The following FGF14 variants were observed in gnomAD, a reference collection of about 807,000 sequenced individuals.
FGF14 encodes fibroblast growth factor homologous factor 4.
FGF14 carries 5 observed loss-of-function variants against 25.5 expected under a neutral mutation model. The ratio of observed to expected loss-of-function variants is 0.20; its 90% CI spans 0.10 to 0.41. FGF14 has a LOEUF of 0.41. Ranked by LOEUF, FGF14 falls within the 10% of genes least tolerant of loss-of-function variation. FGF14 has a pLI of 1.00. For synonymous variants in FGF14, 138 were observed against 118.3 expected (o/e 1.17, Z -1.08); for missense variants, 222 against 320.1 (o/e 0.69, Z 2.34).
chr13:102,234,784 C>A (rs560064996), intron 1 of FGF14, among the ~76,000 whole-genome samples: 2 of 152,112 alleles, frequency 1.3e-5, no homozygotes, highest in African/African-American at 4.8e-5. Flanking sequence ...GAAACATACA[C>A]GTTTGTCATC....
chr13:101,795,456 GA>G (rs1488036924), intron 3 of FGF14, among the ~76,000 whole-genome samples: 2 of 152,200 alleles, frequency 1.3e-5, no homozygotes, highest in Non-Finnish European at 2.9e-5. Context: ...GGGATATGAG[GA>G]GGGGAAATTA....
intron 1 of FGF14, among the ~76,000 whole-genome samples, chr13:102,102,622 A>G (rs910478518): frequency 4.6e-5 from 7 of 152,190 alleles, no homozygotes; most frequent in Non-Finnish European, 1.0e-4. Flanking sequence ...TGAATATCAC[A>G]ATAATTCAGA....
At chr13:102,333,221 A>C (rs1037520224) in intron 1 of FGF14, among the ~76,000 whole-genome samples, 2 of 152,158 alleles carry the variant, frequency 1.3e-5, no homozygotes, top group Non-Finnish European at 2.9e-5. Context: ...CTTCCCTTCT[A>C]CCTTAACCCA....
chr13:102,182,713 T>C (rs2048725801), intron 1 of FGF14, among the ~76,000 whole-genome samples: 5 of 152,104 alleles, frequency 3.3e-5, no homozygotes, highest in Admixed American at 3.3e-4. Context: ...AATTTCAAGT[T>C]TGTTAAAAGG....
At chr13:102,049,649 A>G (rs902454928) in intron 1 of FGF14, among the ~76,000 whole-genome samples, 1 of 152,162 alleles carries the variant, frequency 6.6e-6, no homozygotes, top group East Asian at 1.9e-4. Flanking sequence ...TACAGGTATA[A>G]TTAGTTAAAT....
chr13:101,825,703 T>G (rs12856547), intron 3 of FGF14, among the ~76,000 whole-genome samples: 27,395 of 152,046 alleles, frequency 0.18, 2,763 homozygotes, highest in Admixed American at 0.23. Context: ...AATAAATATT[T>G]ATCCATTATT....
At chr13:102,106,479 CAGG>C (rs1427943515) in intron 1 of FGF14, among the ~76,000 whole-genome samples, 4 of 149,994 alleles carry the variant, frequency 2.7e-5, no homozygotes, top group African/African-American at 9.8e-5. Flanking sequence ...GAGGCTGAGG[CAGG>C]AGAATTGCTT....
At chr13:102,180,722 T>C (rs76496671) in intron 1 of FGF14, among the ~76,000 whole-genome samples, 169 of 152,282 alleles carry the variant, frequency 1.1e-3, no homozygotes, top group African/African-American at 4.0e-3. Flanking sequence ...CTGGGAAGAA[T>C]GTATATGCTA....
At chr13:101,981,130 A>ACACACACACACACACAC (rs1334377236) in intron 1 of FGF14, among the ~76,000 whole-genome samples, 1 of 83,680 alleles carries the variant, frequency 1.2e-5, no homozygotes, top group African/African-American at 4.5e-5. Context: ...CACACACACA[A>ACACACACACACACACAC]TTAGCCAGGC....
Position 101,995,656 on chromosome 13 carries a change from T to A in FGF14, c.209-120360A>T, listed in dbSNP as rs537263361. On this transcript the variant is annotated intron_variant, in intron 1 of 4. Transcript: ENST00000376131. ...CATGTAACTGTAATGGAAGGCTGAG[T>A]ACTAAAGAAAAGCGAAGCTACTGTG... 1.4e-4 allele frequency among the ~76,000 whole-genome samples: 21 copies of A among 152,154 alleles called. No homozygotes were observed. The East Asian group carries it at 2.9e-3, about 21-fold the overall frequency.
chr13:102,254,096 G>A (rs985181341), intron 1 of FGF14, among the ~76,000 whole-genome samples: 1 of 152,164 alleles, frequency 6.6e-6, no homozygotes, highest in Non-Finnish European at 1.5e-5. Flanking sequence ...GGGAAAGACT[G>A]GTTGGTGATG....
intron 1 of FGF14, among the ~76,000 whole-genome samples, chr13:102,217,983 A>G (rs1362041329): frequency 6.6e-6 from 1 of 152,164 alleles, no homozygotes; most frequent in South Asian, 2.1e-4. Flanking sequence ...TTTACAAATT[A>G]GTATTTTAAA....
At position 102,200,946 on chromosome 13, in the gene FGF14, C is replaced by CA. The variant is rs1314918020; in HGVS notation, c.208+200524dup. Among the ~76,000 whole-genome samples the CA allele has an allele frequency of 4.0e-5, 6 of 151,528 alleles. No individual in the cohort carries two copies. The East Asian group carries it at 9.8e-4, about 25-fold the overall frequency. On this transcript the variant is annotated intron_variant, in intron 1 of 4. Coordinates refer to the FGF14 transcript ENST00000376131. ...TGAAACCCCGTCTCTACTAAAAACA[C>CA]AAAAAATTAGCCAGGCGTGGTGGGG...
chr13:101,723,801 A>G (rs1473469657), intron 4 of FGF14, among the ~76,000 whole-genome samples: 3 of 149,430 alleles, frequency 2.0e-5, no homozygotes, highest in Non-Finnish European at 4.5e-5. Context: ...GAGAAAGGAC[A>G]TATAAGAGTG....
chr13:101,851,917 C>CCA (rs1281376761), intron 3 of FGF14, among the ~76,000 whole-genome samples: 1 of 152,024 alleles, frequency 6.6e-6, no homozygotes, highest in East Asian at 1.9e-4. Flanking sequence ...CAATTACTAT[C>CCA]CACTAAGGGA....
intron 1 of FGF14, among the ~76,000 whole-genome samples, chr13:102,352,760 C>G (rs1486444574): frequency 2.0e-5 from 3 of 146,780 alleles, no homozygotes; most frequent in African/African-American, 7.7e-5. Flanking sequence ...TGCAGTGAGC[C>G]GAGATCGCGC....
At chr13:101,834,445 CT>C (rs1217468570) in intron 3 of FGF14, among the ~76,000 whole-genome samples, 3 of 151,984 alleles carry the variant, frequency 2.0e-5, no homozygotes, top group Admixed American at 1.3e-4. Context: ...AAGATACAAG[CT>C]TTTACTTAAT....
intron 1 of FGF14, among the ~76,000 whole-genome samples, chr13:102,058,743 T>A (rs1043237972): frequency 6.6e-6 from 1 of 151,988 alleles, no homozygotes; most frequent in African/African-American, 2.4e-5. Flanking sequence ...TTTTAATGAG[T>A]TTTTTAATGT....
intron 1 of FGF14, among the ~76,000 whole-genome samples, chr13:101,992,038 C>G (rs540398368): frequency 6.6e-6 from 1 of 152,226 alleles, no homozygotes; most frequent in South Asian, 2.1e-4. Flanking sequence ...TCTCAGATAG[C>G]TGAGAGTACT....
Sources: gnomAD v4.1 joint callset for allele counts (sites outside exome capture counted in the v4.1 genomes callset) on GRCh38, gnomAD v4.1.1 for gene constraint, MANE v1.5 for transcripts, NCBI Gene and HGNC (gene_info 2026-07-23, HGNC 2026-07-21) for gene names.